The following TOPAZ1 variants were observed in gnomAD, a reference collection of about 807,000 sequenced individuals.
TOPAZ1 encodes protein TOPAZ1.
TOPAZ1 carries 66 observed loss-of-function variants against 172.2 expected under a neutral mutation model. That is an observed-to-expected ratio of 0.38 (90% CI 0.31 to 0.47). The LOEUF (loss-of-function observed/expected upper bound fraction) is 0.47, where lower values mean the gene tolerates loss of function less well. Among genes scored for constraint, TOPAZ1 ranks in the 20% least tolerant of loss-of-function variants. TOPAZ1 has a pLI of 0.99. For missense variants in TOPAZ1, 1,822 were observed against 1,972.4 expected, an observed-to-expected ratio of 0.92 and a Z score of 1.44; for synonymous variants, 681 against 683.9, an observed-to-expected ratio of 1.00 and a Z score of 0.07.
Position 44,328,276 on chromosome 3 carries a change from C to G in TOPAZ1, c.4702C>G (p.Pro1568Ala). The change falls in exon 19 of 20, where the codon CCA becomes GCA. Residue 1568 changes from proline to alanine, a missense_variant. This residue lies in a region of TOPAZ1 where 333 missense variants were observed against 481.7 expected (regional missense o/e 0.69). Transcript: ENST00000309765. ...TGCTCTTTCCTTGGGTTGCTACCCACCATTGGAAGGAAATTTATACCGAAA... is the reference window on the plus strand; with the variant it reads ...TGCTCTTTCCTTGGGTTGCTACCCAGCATTGGAAGGAAATTTATACCGAAA... ...KSALSLGCYP[P>A]LEGNLYRKLL... 1 of 1,509,694 alleles carries G rather than the reference C, an allele frequency of 6.6e-7. No homozygotes were observed. Among genetic ancestry groups the G allele is most frequent in the Non-Finnish European group, 8.8e-7 (1 of 1,132,254 alleles). 93.5% of individuals were successfully genotyped at this position (1,509,694 alleles called of 1,614,324 possible).
chr3:44,255,367 AGTTGGCTAGGGGCG>A (rs1441096163), intron 3 of TOPAZ1, among the ~76,000 whole-genome samples: 1 of 117,238 alleles, frequency 8.5e-6, no homozygotes, highest in Non-Finnish European at 1.9e-5. Flanking sequence ...AAAATTTTAT[AGTTGGCTAGGGGCG>A]GTGGCTCATG....
downstream of TOPAZ1, chr3:44,332,134 A>G (rs553598356): frequency 5.0e-4 from 330 of 655,352 alleles, no homozygotes; most frequent in African/African-American, 5.4e-3. Flanking sequence ...ACAGCAAGTT[A>G]ATAGTTTTAA....
intron 8 of TOPAZ1, 22 bp from the exon 9 acceptor site, chr3:44,281,946 A>G: frequency 6.8e-7 from 1 of 1,477,974 alleles, no homozygotes; most frequent in Non-Finnish European, 9.2e-7. Flanking sequence ...AGGTAGTTTT[A>G]CATTTTTCGT....
chr3:44,278,067 T>C (rs1226409235), intron 8 of TOPAZ1, among the ~76,000 whole-genome samples: 2 of 152,226 alleles, frequency 1.3e-5, no homozygotes, highest in Non-Finnish European at 2.9e-5. Context: ...TTTGCCTAGT[T>C]TATTGAGATT....
At chr3:44,293,072 C>T (rs1392895101) in intron 12 of TOPAZ1, among the ~76,000 whole-genome samples, 1 of 152,134 alleles carries the variant, frequency 6.6e-6, no homozygotes, top group Non-Finnish European at 1.5e-5. Context: ...CTGAAAAATT[C>T]CTATCTCCTA....
At chr3:44,324,378 C>G (rs1700574071) in intron 18 of TOPAZ1, among the ~76,000 whole-genome samples, 1 of 151,934 alleles carries the variant, frequency 6.6e-6, no homozygotes, top group African/African-American at 2.4e-5. Context: ...ACTCTTTATA[C>G]TATTTACCTT....
intron 19 of TOPAZ1, among the ~76,000 whole-genome samples, chr3:44,330,848 T>G (rs908046993): frequency 6.6e-6 from 1 of 152,212 alleles, no homozygotes; most frequent in Admixed American, 6.5e-5. Flanking sequence ...GTCAGTGCAG[T>G]CACAATTGAT....
In TOPAZ1 at chr3:44,287,529, G is replaced by T. The variant is rs1349880538; in HGVS notation, c.3577G>T (p.Val1193Phe). ...VFQIVNLSIM[V>F]KMLPSLKILL... ...TCAGATAGTGAACCTCAGCATAATG[G>T]TTAAAATGCTGGTAAGTAGCCTGAA... Residue 1193 changes from valine (V) to phenylalanine (F), a missense_variant, in exon 10 of 20, where the codon GTT becomes TTT. Physicochemically the swap from Val to Phe is conservative, Grantham distance 50 (BLOSUM62 -1). This residue lies in a region of TOPAZ1 where 1,489 missense variants were observed against 1,490.8 expected (regional missense o/e 1.00). Transcript: ENST00000309765. The T allele has an allele frequency of 6.7e-7, 1 of 1,491,610 alleles. No homozygotes were observed. Among genetic ancestry groups the T allele is most frequent in the Admixed American group, 2.5e-5 (1 of 39,584 alleles). The allele number at this position is 1,491,610 out of a possible 1,614,324, so 92.4% of individuals were successfully genotyped here.
intron 8 of TOPAZ1, among the ~76,000 whole-genome samples, chr3:44,279,642 T>A (rs1426607604): frequency 6.6e-6 from 1 of 152,164 alleles, no homozygotes; most frequent in African/African-American, 2.4e-5. Context: ...TGCTTGCTTT[T>A]GGCTTTTGTT....
chr3:44,275,635 A>G (rs1180041522), intron 8 of TOPAZ1, among the ~76,000 whole-genome samples: 2 of 151,920 alleles, frequency 1.3e-5, no homozygotes, highest in African/African-American at 2.4e-5. Flanking sequence ...TATCTTTGCT[A>G]TTGTGAATAG....
At chr3:44,326,364 T>C (rs959915516) in intron 18 of TOPAZ1, among the ~76,000 whole-genome samples, 1 of 152,250 alleles carries the variant, frequency 6.6e-6, no homozygotes, top group African/African-American at 2.4e-5. Context: ...TGTTAAGTAA[T>C]GTATCATTAC....
chr3:44,261,499 T>G (rs1330611463), intron 4 of TOPAZ1, among the ~76,000 whole-genome samples: 1 of 152,152 alleles, frequency 6.6e-6, no homozygotes, highest in Non-Finnish European at 1.5e-5. Context: ...CTGTCTATTC[T>G]GTTCTATTGG....
chr3:44,332,867 G>C (rs1366474360), downstream of TOPAZ1, among the ~76,000 whole-genome samples: 1 of 151,608 alleles, frequency 6.6e-6, no homozygotes. Flanking sequence ...GGCATGATCA[G>C]GGCTCACTGC....
chr3:44,250,243 CAAAAA>C lies in TOPAZ1; in HGVS notation c.2766-4711_2766-4707del, dbSNP rs35079686. Reference sequence around the variant, plus strand: ...TATTACCAATTTTACCATGAAATGACAAAAAAAAAAAAAAAAAACAGGTTTCCACC... The same window carrying C: ...TATTACCAATTTTACCATGAAATGACAAAAAAAAAAAAACAGGTTTCCACC... On this transcript the variant is annotated intron_variant, in intron 2 of 19. Transcript: ENST00000309765. Among the ~76,000 whole-genome samples the C allele has an allele frequency of 6.9e-3, 767 of 110,796 alleles. 7 individuals carry two copies. The highest frequency in any genetic ancestry group is 0.027 in the African/African-American group (734 of 27,040). 72.7% of individuals were successfully genotyped at this position (110,796 alleles called of 152,430 possible).
intron 5 of TOPAZ1, among the ~76,000 whole-genome samples, chr3:44,263,696 A>T (rs1305111819): frequency 2.0e-5 from 3 of 152,178 alleles, no homozygotes; most frequent in Non-Finnish European, 4.4e-5. Context: ...CGCAGAAAAC[A>T]CAAGCTGAAA....
At position 44,255,662 on chromosome 3, in the gene TOPAZ1, A is replaced by AAAAAAT. The variant is rs1244611647; in HGVS notation, c.2828-488_2828-487insAAAATA. Among the ~76,000 whole-genome samples, 7 of 80,006 alleles carry AAAAAAT rather than the reference A, an allele frequency of 8.7e-5. 1 individual carries two copies. The highest frequency in any genetic ancestry group is 1.2e-4 in the African/African-American group (2 of 17,348). 52.5% of individuals were successfully genotyped at this position (80,006 alleles called of 152,430 possible). On this transcript the variant is annotated intron_variant, in intron 3 of 19. Transcript: ENST00000309765. ...GCGAGACTCTGTCTCAAAAAAAAAAAATATATATACACACACACACACACA... is the reference window on the plus strand; with the variant it reads ...GCGAGACTCTGTCTCAAAAAAAAAAAAAAAATATATATATACACACACACACACACA...
intron 19 of TOPAZ1, among the ~76,000 whole-genome samples, chr3:44,329,845 A>G (rs1700645142): frequency 6.6e-6 from 1 of 152,300 alleles, no homozygotes; most frequent in South Asian, 2.1e-4. Flanking sequence ...CTTTGCAGGG[A>G]GGTACTGTCT....
chr3:44,274,384 G>C (rs1204158825), intron 8 of TOPAZ1, among the ~76,000 whole-genome samples: 1 of 149,246 alleles, frequency 6.7e-6, no homozygotes, highest in Non-Finnish European at 1.5e-5. Context: ...CTGGGTGACA[G>C]AGCAAGACTC....
chr3:44,329,173 C>A (rs1217580867), intron 19 of TOPAZ1, among the ~76,000 whole-genome samples: 1 of 152,172 alleles, frequency 6.6e-6, no homozygotes, highest in Non-Finnish European at 1.5e-5. Flanking sequence ...ATCCCTGGAC[C>A]TAATGGCTTA....
Sources: gnomAD v4.1 joint callset for allele counts (sites outside exome capture counted in the v4.1 genomes callset) on GRCh38, gnomAD v4.1.1 for gene constraint, gnomAD v4.1.1 regional missense constraint, MANE v1.5 for transcripts, NCBI Gene and HGNC (gene_info 2026-07-23, HGNC 2026-07-21) for gene names.